The following CAMTA1 variants were observed in gnomAD, a reference collection of about 807,000 sequenced individuals.
CAMTA1 encodes calmodulin binding transcription activator 1.
Under a neutral mutation model 170.9 loss-of-function variants are expected in CAMTA1, and 27 were observed. The ratio of observed to expected loss-of-function variants is 0.16; its 90% confidence interval spans 0.12 to 0.22. CAMTA1 has a LOEUF of 0.22. Among genes scored for constraint, CAMTA1 ranks in the 10% least tolerant of loss-of-function variants. The pLI is 1.00. For synonymous variants in CAMTA1, 833 were observed against 891.5 expected (o/e 0.93, Z 1.17); for missense variants, 1,619 against 2,217.2 (o/e 0.73, Z 5.42).
At chr1:6,893,522 G>T (rs1352015712) in intron 3 of CAMTA1, among the ~76,000 whole-genome samples, 2 of 152,208 alleles carry the variant, frequency 1.3e-5, no homozygotes, top group African/African-American at 4.8e-5. Flanking sequence ...TAAGAGGGTG[G>T]GTAACCACTG....
At chr1:6,884,335 C>CACACA (rs776481131) in intron 3 of CAMTA1, among the ~76,000 whole-genome samples, 1 of 143,920 alleles carries the variant, frequency 6.9e-6, no homozygotes, top group Non-Finnish European at 1.5e-5. Context: ...CACACACACA[C>CACACA]AATTTTGTTT....
chr1:7,020,374 C>T (rs1701167651), intron 3 of CAMTA1, among the ~76,000 whole-genome samples: 1 of 152,204 alleles, frequency 6.6e-6, no homozygotes, highest in Non-Finnish European at 1.5e-5. Flanking sequence ...ACATGCTGCA[C>T]AGGTTTGTAG....
At chr1:7,396,898 A>G (rs2089356856) in intron 5 of CAMTA1, among the ~76,000 whole-genome samples, 1 of 152,168 alleles carries the variant, frequency 6.6e-6, no homozygotes, top group Non-Finnish European at 1.5e-5. Flanking sequence ...TCAGTTTGCT[A>G]GTATTTTGTT....
intron 6 of CAMTA1, among the ~76,000 whole-genome samples, chr1:7,627,461 C>A (rs67944435): frequency 1.3e-5 from 2 of 152,068 alleles, no homozygotes; most frequent in Admixed American, 6.5e-5. Flanking sequence ...ATACCTGGCC[C>A]TTCTGAAGGT....
At chr1:6,890,321 A>G (rs1417178647) in intron 3 of CAMTA1, among the ~76,000 whole-genome samples, 1 of 152,170 alleles carries the variant, frequency 6.6e-6, no homozygotes, top group Non-Finnish European at 1.5e-5. Context: ...AGGGATTACC[A>G]ATGTTGAGAT....
intron 5 of CAMTA1, among the ~76,000 whole-genome samples, chr1:7,287,066 G>A (rs1310028182): frequency 6.6e-6 from 1 of 152,176 alleles, no homozygotes; most frequent in African/African-American, 2.4e-5. Flanking sequence ...TCAGCTGCCT[G>A]GAGCAACTGC....
intron 6 of CAMTA1, among the ~76,000 whole-genome samples, chr1:7,488,456 C>T (rs1355483585): frequency 1.3e-5 from 2 of 152,098 alleles, no homozygotes; most frequent in Non-Finnish European, 2.9e-5. Flanking sequence ...GACAACAACT[C>T]AGCCTATTTC....
intron 4 of CAMTA1, among the ~76,000 whole-genome samples, chr1:7,238,519 C>T (rs1477707499): frequency 6.6e-6 from 1 of 152,250 alleles, no homozygotes; most frequent in Admixed American, 6.5e-5. Flanking sequence ...TCCTTCATGG[C>T]TCCTTCCCAG....
chr1:6,833,974 A>C (rs561092879), intron 3 of CAMTA1, among the ~76,000 whole-genome samples: 3 of 152,034 alleles, frequency 2.0e-5, no homozygotes, highest in African/African-American at 7.2e-5. Context: ...CTCTGCCGCT[A>C]CTCAGCTGAG....
chr1:7,456,240 G>A lies in CAMTA1; in HGVS notation c.439-11590G>A, dbSNP rs1337201173. Among the ~76,000 whole-genome samples the A allele has an allele frequency of 6.7e-6, 1 of 148,328 alleles. No individual in the cohort carries two copies. The highest frequency in any genetic ancestry group is 1.5e-5 in the Non-Finnish European group (1 of 66,926). ...TGGGAGAGAGGGAGGGAGAGAAGGAGGGAGGGAGGAAGGGAGGAAGGGGGG... is the reference window on the plus strand; with the variant it reads ...TGGGAGAGAGGGAGGGAGAGAAGGAAGGAGGGAGGAAGGGAGGAAGGGGGG... On this transcript the variant is annotated intron_variant, in intron 5 of 22. Coordinates refer to ENST00000303635, the MANE Select transcript of CAMTA1 (RefSeq NM_015215.4). The surrounding 1 kb of genome is among the most constrained non-coding windows in gnomAD (Gnocchi z 4.9).
At chr1:7,177,735 A>G (rs1651222585) in intron 4 of CAMTA1, among the ~76,000 whole-genome samples, 1 of 147,746 alleles carries the variant, frequency 6.8e-6, no homozygotes, top group African/African-American at 2.5e-5. Context: ...ACCCTCCCAC[A>G]TACTGAGGCC....
intron 3 of CAMTA1, among the ~76,000 whole-genome samples, chr1:7,023,166 A>C (rs968741992): frequency 6.6e-6 from 1 of 152,254 alleles, no homozygotes; most frequent in Non-Finnish European, 1.5e-5. Context: ...AACGAGGGAT[A>C]CCAAGCCTAA....
At chr1:7,399,146 T>C (rs1045956476) in intron 5 of CAMTA1, among the ~76,000 whole-genome samples, 1 of 152,160 alleles carries the variant, frequency 6.6e-6, no homozygotes, top group Non-Finnish European at 1.5e-5. Context: ...TGGGGGTGGA[T>C]CCTTCATGAA....
At chr1:7,400,137 C>G (rs1199954335) in intron 5 of CAMTA1, among the ~76,000 whole-genome samples, 1 of 152,206 alleles carries the variant, frequency 6.6e-6, no homozygotes, top group Admixed American at 6.6e-5. Flanking sequence ...TTGTGTCCCA[C>G]AAGTCCTATA....
chr1:7,625,081 G>T (rs1276155237), intron 6 of CAMTA1, among the ~76,000 whole-genome samples: 2 of 152,212 alleles, frequency 1.3e-5, no homozygotes, highest in Non-Finnish European at 2.9e-5. Flanking sequence ...GATCATGGAG[G>T]CCATTGGGAT....
chr1:7,095,794 C>T (rs1210526458), intron 4 of CAMTA1, among the ~76,000 whole-genome samples: 2 of 152,256 alleles, frequency 1.3e-5, no homozygotes, highest in African/African-American at 4.8e-5. Context: ...GGAAGAGTGG[C>T]ACACCACTGC....
intron 5 of CAMTA1, among the ~76,000 whole-genome samples, chr1:7,398,185 CTCTCTCTCT>C (rs1341963871): frequency 2.1e-5 from 1 of 46,536 alleles, no homozygotes; most frequent in African/African-American, 8.7e-5. Context: ...CTCTCTCTCT[CTCTCTCTCT>C]ATATATATAT....
intron 3 of CAMTA1, among the ~76,000 whole-genome samples, chr1:7,004,640 A>G (rs1477041927): frequency 6.6e-6 from 1 of 152,248 alleles, no homozygotes; most frequent in African/African-American, 2.4e-5. Context: ...TCAAGATTAT[A>G]TCATGCCAGC....
intron 3 of CAMTA1, among the ~76,000 whole-genome samples, chr1:6,858,486 T>TG (rs70984029): frequency 0.41 from 37,006 of 89,332 alleles, 9,286 homozygotes; most frequent in African/African-American, 0.45. Flanking sequence ...GTGTGTGTGT[T>TG]GGGGGGGGGG....
Sources: allele counts gnomAD v4.1 joint callset (sites outside exome capture counted in the v4.1 genomes callset), GRCh38; gene constraint gnomAD v4.1.1; non-coding constraint Gnocchi (gnomAD v3.1); transcripts MANE v1.5; gene names NCBI Gene and HGNC (gene_info 2026-07-23, HGNC 2026-07-21).